Variants in NRXN3 observed in about 807,000 individuals in gnomAD.
NRXN3 encodes neurexin III.
A neutral mutation model predicts 137.6 loss-of-function variants in NRXN3; 32 were observed. That is an observed-to-expected ratio of 0.23 (90% CI 0.18 to 0.31). The LOEUF (loss-of-function observed/expected upper bound fraction) is 0.31. Among genes scored for constraint, NRXN3 ranks in the 10% least tolerant of loss-of-function variants. The probability of loss-of-function intolerance (pLI) is 1.00; values close to 1 mark genes in which losing one functional copy is unlikely to be tolerated. For synonymous variants in NRXN3, 798 were observed against 784.5 expected (o/e 1.02, Z -0.29); for missense variants, 1,574 against 2,062.5 (o/e 0.76, Z 4.59).
intron 15 of NRXN3, chr14:78,988,405 A>G: frequency 2.4e-6 from 1 of 424,732 alleles, no homozygotes; most frequent in Non-Finnish European, 4.3e-6. Context: ...AACAATAACC[A>G]CAGCAGCAAA....
intron 4 of NRXN3, among the ~76,000 whole-genome samples, chr14:78,349,008 A>G (rs1424062051): frequency 6.6e-6 from 1 of 152,230 alleles, no homozygotes; most frequent in Non-Finnish European, 1.5e-5. Context: ...AACTTTCTGT[A>G]AATTAAAAAT....
chr14:79,119,538 A>G (rs1344228493), intron 15 of NRXN3, among the ~76,000 whole-genome samples: 1 of 152,206 alleles, frequency 6.6e-6, no homozygotes, highest in Non-Finnish European at 1.5e-5. Flanking sequence ...TTAAAAAGAT[A>G]TATTCTTATA....
chr14:79,318,688 G>C (rs2089406253), intron 15 of NRXN3, among the ~76,000 whole-genome samples: 1 of 152,224 alleles, frequency 6.6e-6, no homozygotes, highest in Non-Finnish European at 1.5e-5. Context: ...AGATGAGCTT[G>C]GGTGCCTCTG....
chr14:79,074,364 T>C (rs895634824), intron 15 of NRXN3, among the ~76,000 whole-genome samples: 9 of 152,218 alleles, frequency 5.9e-5, no homozygotes, highest in African/African-American at 2.2e-4. Flanking sequence ...AACATTTTTA[T>C]TTCTCAAATT....
intron 15 of NRXN3, among the ~76,000 whole-genome samples, chr14:79,036,006 C>T (rs2099615353): frequency 6.6e-6 from 1 of 151,918 alleles, no homozygotes. Context: ...ATTAATCATC[C>T]ATTATATCAT....
chr14:79,587,983 A>G (rs2097775103), intron 16 of NRXN3, among the ~76,000 whole-genome samples: 1 of 152,204 alleles, frequency 6.6e-6, no homozygotes, highest in Non-Finnish European at 1.5e-5. Context: ...GTAAGTTCTT[A>G]GAAGATATAT....
At chr14:79,178,653 G>T (rs1489178983) in intron 15 of NRXN3, among the ~76,000 whole-genome samples, 1 of 152,160 alleles carries the variant, frequency 6.6e-6, no homozygotes, top group Non-Finnish European at 1.5e-5. Context: ...AGTACATGCT[G>T]TTAGGTTCTG....
chr14:78,179,311 G>A (rs937922707), intron 1 of NRXN3, among the ~76,000 whole-genome samples: 4 of 152,204 alleles, frequency 2.6e-5, no homozygotes, highest in African/African-American at 9.6e-5. Context: ...TTTTCTTGGT[G>A]GAGAGGCAGG....
intron 10 of NRXN3, among the ~76,000 whole-genome samples, chr14:78,905,483 G>A (rs2099213026): frequency 7.4e-6 from 1 of 136,050 alleles, no homozygotes; most frequent in African/African-American, 2.5e-5. Flanking sequence ...AAGTCTAACT[G>A]TTTGATCTTG....
chr14:79,307,408 G>A (rs970633772), intron 15 of NRXN3, among the ~76,000 whole-genome samples: 2 of 152,054 alleles, frequency 1.3e-5, no homozygotes, highest in African/African-American at 2.4e-5. Flanking sequence ...AGTTCATTCT[G>A]ATTTTATGAG....
intron 16 of NRXN3, among the ~76,000 whole-genome samples, chr14:79,583,318 C>A (rs1219733741): frequency 6.6e-6 from 1 of 152,094 alleles, no homozygotes; most frequent in Non-Finnish European, 1.5e-5. Context: ...TAAGACACTG[C>A]CTGGGTATAA....
chr14:78,324,841 T>C (rs1246299388), intron 4 of NRXN3, among the ~76,000 whole-genome samples: 2 of 152,002 alleles, frequency 1.3e-5, no homozygotes, highest in Non-Finnish European at 2.9e-5. Flanking sequence ...GTGAAGGTTG[T>C]GATGACAAAT....
chr14:78,740,544 CTTTT>C (rs11389703), intron 8 of NRXN3, among the ~76,000 whole-genome samples: 1 of 142,148 alleles, frequency 7.0e-6, no homozygotes, highest in African/African-American at 2.6e-5. Flanking sequence ...CTTTTCTTTT[CTTTT>C]TTTTTTTTTT....
intron 18 of NRXN3, among the ~76,000 whole-genome samples, chr14:79,692,839 C>T (rs1332948699): frequency 6.6e-6 from 1 of 151,608 alleles, no homozygotes; most frequent in Non-Finnish European, 1.5e-5. Context: ...CCTACAGAGG[C>T]AAAATTATTT....
intron 4 of NRXN3, among the ~76,000 whole-genome samples, chr14:78,479,670 C>G (rs2095439812): frequency 6.6e-6 from 1 of 152,100 alleles, no homozygotes. Context: ...CGCTAGTGAA[C>G]TATGGTGGAG....
chr14:78,767,977 T>C (rs1261669559), intron 8 of NRXN3, among the ~76,000 whole-genome samples: 2 of 150,640 alleles, frequency 1.3e-5, no homozygotes, highest in African/African-American at 2.4e-5. Flanking sequence ...TTCCCACATA[T>C]AAAATTTGTC....
chr14:78,868,337 A>G (rs1035741411), intron 10 of NRXN3, among the ~76,000 whole-genome samples: 1 of 152,154 alleles, frequency 6.6e-6, no homozygotes, highest in South Asian at 2.1e-4. Context: ...TGCACTCAAA[A>G]GACAAAATCT....
At chr14:79,131,232 C>T (rs1265985271) in intron 15 of NRXN3, among the ~76,000 whole-genome samples, 1 of 152,172 alleles carries the variant, frequency 6.6e-6, no homozygotes, top group Non-Finnish European at 1.5e-5. Context: ...GAACTGCGTT[C>T]CTTTGGAGGA....
chr14:78,719,273 A>G (rs139391475), intron 8 of NRXN3, among the ~76,000 whole-genome samples: 433 of 152,356 alleles, frequency 2.8e-3, no homozygotes, highest in Non-Finnish European at 4.7e-3. Context: ...TATCTGACAT[A>G]TGCACCAGCT....
Sources: gnomAD v4.1 joint callset for allele counts (sites outside exome capture counted in the v4.1 genomes callset) on GRCh38, gnomAD v4.1.1 for gene constraint, MANE v1.5 for transcripts, NCBI Gene and HGNC (gene_info 2026-07-23, HGNC 2026-07-21) for gene names.